The following GPAT4 variants were observed in gnomAD, a reference collection of about 807,000 sequenced individuals.
GPAT4 encodes the protein 1-AGP acyltransferase 6.
In GPAT4, 17 loss-of-function variants were observed where a neutral mutation model predicts 58.0. The observed-to-expected ratio is 0.29, with a 90% CI of 0.20 to 0.44. The LOEUF is 0.44. Among genes scored for constraint, GPAT4 ranks in the 20% least tolerant of loss-of-function variants. The pLI is 1.00. For missense variants in GPAT4, 377 were observed against 574.5 expected (o/e 0.66, Z 3.51); for synonymous variants, 204 against 210.1 (o/e 0.97, Z 0.25).
At chr8:41,583,638 A>G (rs932726020) in intron 1 of GPAT4, among the ~76,000 whole-genome samples, 1 of 152,174 alleles carries the variant, frequency 6.6e-6, no homozygotes, top group Non-Finnish European at 1.5e-5. Context: ...CATTCACAAC[A>G]CATTTTAAGT....
At position 41,622,837 on chromosome 8, in the gene GPAT4, T is replaced by C. The variant is rs570663141; in HGVS notation, c.*1836T>C. On this transcript the variant is annotated 3_prime_UTR_variant, in exon 13 of 13. Coordinates refer to ENST00000396987, the MANE Select transcript of GPAT4 (RefSeq NM_178819.4). ...AAGTCAGTGTTATGACTAATAAGTC[T>C]CTTAGGAACTGTTTTACAAAATGCT... 5.3e-5 allele frequency: 8 copies of C among 152,364 alleles called. No individual in the cohort carries two copies. The highest frequency in any genetic ancestry group is 1.9e-4 in the East Asian group (1 of 5,190). 9.4% of individuals were successfully genotyped at this position (152,364 alleles called of 1,614,324 possible).
intron 12 of GPAT4, 60 bp from the exon 13 acceptor site, chr8:41,620,833 G>A: frequency 1.3e-6 from 2 of 1,547,746 alleles, no homozygotes; most frequent in Non-Finnish European, 1.7e-6. Context: ...CATCTCCCAT[G>A]GTGTGAGCGT....
At position 41,620,969 on chromosome 8, in the gene GPAT4, G is replaced by C. The variant is rs963843628; in HGVS notation, c.1339G>C (p.Val447Leu). 1.9e-6 allele frequency: 3 copies of C among 1,551,390 alleles called. No individual in the cohort carries two copies. The highest frequency in any genetic ancestry group is 2.6e-6 in the Non-Finnish European group (3 of 1,147,188). ...EQQKLYSKMI[V>L]GNHKDRSRS is the part of the protein sequence containing the mutation. ...GCAGAAGCTGTACAGCAAGATGATC[G>C]TGGGGAACCACAAGGACAGGAGCCG... The change falls in exon 13 of 13, where the codon GTG becomes CTG. Residue 447 changes from valine (V) to leucine (L), a missense_variant. By Grantham distance (32) the Val-to-Leu change is conservative. Coordinates refer to ENST00000396987, the MANE Select transcript of GPAT4 (RefSeq NM_178819.4).
chr8:41,610,452 G>A, intron 4 of GPAT4: 1 of 1,301,750 alleles, frequency 7.7e-7, no homozygotes, highest in African/African-American at 1.5e-5. Flanking sequence ...GAGCAGCCCT[G>A]TGGCAGAATG....
At chr8:41,587,878 C>G (rs1487460988) in intron 1 of GPAT4, among the ~76,000 whole-genome samples, 1 of 152,226 alleles carries the variant, frequency 6.6e-6, no homozygotes, top group East Asian at 1.9e-4. Flanking sequence ...TTTTTACACT[C>G]CAACCAGCAG....
At chr8:41,582,444 TACACACACACACACAC>T (rs71548104) in intron 1 of GPAT4, among the ~76,000 whole-genome samples, 1 of 141,614 alleles carries the variant, frequency 7.1e-6, no homozygotes, top group African/African-American at 2.6e-5. Context: ...TGGGAAAGTA[TACACACACACACACAC>T]ACACACACAC....
intron 9 of GPAT4, 26 bp downstream of exon 9, chr8:41,614,467 G>C: frequency 6.2e-7 from 1 of 1,610,496 alleles, no homozygotes; most frequent in Non-Finnish European, 8.5e-7. Context: ...TTGCCACGAA[G>C]GGCTTCTGTG....
At chr8:41,585,275 A>G (rs1802622402) in intron 1 of GPAT4, among the ~76,000 whole-genome samples, 1 of 152,082 alleles carries the variant, frequency 6.6e-6, no homozygotes, top group African/African-American at 2.4e-5. Flanking sequence ...CTTTTTTCTG[A>G]ATTGTAATCC....
intron 1 of GPAT4, among the ~76,000 whole-genome samples, chr8:41,586,423 A>G (rs1266403147): frequency 6.6e-6 from 1 of 152,130 alleles, no homozygotes; most frequent in Non-Finnish European, 1.5e-5. Context: ...TCTCTTGGGT[A>G]TGTACTTAGG....
chr8:41,583,366 G>GT (rs1802574178), intron 1 of GPAT4, among the ~76,000 whole-genome samples: 1 of 151,418 alleles, frequency 6.6e-6, no homozygotes, highest in South Asian at 2.1e-4. Context: ...ACCCTTCCCA[G>GT]CTGCTGGTAT....
rs1304460693 is a variant in GPAT4 at position 41,600,050 on chromosome 8, TTTTTC to T, written c.165+747_165+751del. Among the ~76,000 whole-genome samples the T allele has an allele frequency of 9.9e-4, 143 of 143,802 alleles. 2 individuals carry two copies. Among genetic ancestry groups the T allele is most frequent in the African/African-American group, 3.1e-3 (117 of 37,876 alleles). 94.3% of individuals were successfully genotyped at this position (143,802 alleles called of 152,430 possible). ...CTTTTTCTTTTCTTTTTTTTTTTTT[TTTTTC>T]GAGACAAGAGTCTCACTCTGTCGCC... On this transcript the variant is annotated intron_variant, in intron 2 of 12. Transcript: ENST00000396987.
rs376362302 is a variant in GPAT4 at position 41,623,002 on chromosome 8, C to T, written c.*2001C>T. The T allele has an allele frequency of 2.7e-5, 4 of 150,532 alleles. No individual in the cohort carries two copies. The highest frequency in any genetic ancestry group is 6.6e-5 in the Admixed American group (1 of 15,044). The allele number at this position is 150,532 out of a possible 1,614,324, so 9.3% of individuals were successfully genotyped here. On this transcript the variant is annotated 3_prime_UTR_variant, in exon 13 of 13. Coordinates refer to ENST00000396987, the MANE Select transcript of GPAT4 (RefSeq NM_178819.4). ...CTGAAACTTTATGGTTTGTTACTTTCGTGATTTGCATAGGTATTTATATAT... is the reference window on the plus strand; with the variant it reads ...CTGAAACTTTATGGTTTGTTACTTTTGTGATTTGCATAGGTATTTATATAT...
chr8:41,579,935 C>T (rs986235848), intron 1 of GPAT4, among the ~76,000 whole-genome samples: 10 of 152,078 alleles, frequency 6.6e-5, no homozygotes, highest in African/African-American at 2.4e-4. Context: ...CCTTGGAGGT[C>T]CAGAGAAGTT....
At chr8:41,601,227 C>G (rs1413894811) in intron 2 of GPAT4, among the ~76,000 whole-genome samples, 1 of 152,024 alleles carries the variant, frequency 6.6e-6, no homozygotes, top group Non-Finnish European at 1.5e-5. Flanking sequence ...CGCCAAGCAG[C>G]TGGTTAGAAA....
At chr8:41,601,657 G>A (rs1803102190) in intron 2 of GPAT4, among the ~76,000 whole-genome samples, 1 of 152,216 alleles carries the variant, frequency 6.6e-6, no homozygotes, top group Non-Finnish European at 1.5e-5. Flanking sequence ...TTCTCTTGTA[G>A]TAGTTAAAAT....
intron 1 of GPAT4, among the ~76,000 whole-genome samples, chr8:41,595,184 G>T: frequency 1.4e-5 from 2 of 141,722 alleles, no homozygotes; most frequent in African/African-American, 2.7e-5. Flanking sequence ...TTAATTACCT[G>T]GGAGGAACCA....
In GPAT4 at chr8:41,615,668, C is replaced by A. The variant is rs529238504; in HGVS notation, c.1053+620C>A. Among the ~76,000 whole-genome samples, 3 of 152,312 alleles carry A rather than the reference C, an allele frequency of 2.0e-5. No homozygotes were observed. The East Asian group carries it at 5.8e-4, about 29-fold the overall frequency. ...CATCTGCACATTGTTCCTCCCCGCT[C>A]TTACCCTCTTCACATCCACCAGGCC... On this transcript the variant is annotated intron_variant, in intron 10 of 12. Coordinates refer to ENST00000396987, the MANE Select transcript of GPAT4 (RefSeq NM_178819.4).
At chr8:41,581,055 T>C (rs1161665405) in intron 1 of GPAT4, among the ~76,000 whole-genome samples, 1 of 152,248 alleles carries the variant, frequency 6.6e-6, no homozygotes, top group Non-Finnish European at 1.5e-5. Context: ...TTGGGTAAAG[T>C]AGAACCTCAT....
intron 1 of GPAT4, among the ~76,000 whole-genome samples, chr8:41,586,709 A>G (rs560742420): frequency 1.3e-5 from 2 of 152,252 alleles, no homozygotes; most frequent in African/African-American, 4.8e-5. Flanking sequence ...CTAGAGCCTC[A>G]CCACCTCTCT....
Sources: gnomAD v4.1 joint callset for allele counts (sites outside exome capture counted in the v4.1 genomes callset) on GRCh38, gnomAD v4.1.1 for gene constraint, MANE v1.5 for transcripts, NCBI Gene and HGNC (gene_info 2026-07-23, HGNC 2026-07-21) for gene names.